CABP5: variants seen among roughly 807,000 people sequenced by gnomAD.
The protein encoded by CABP5 is calcium binding protein 5.
In CABP5, 17 loss-of-function variants were observed where a neutral mutation model predicts 21.9. The ratio of observed to expected loss-of-function variants is 0.78; its 90% CI spans 0.53 to 1.17. The LOEUF is 1.17. Among genes scored for constraint, CABP5 ranks in the 50% most tolerant of loss-of-function variants. CABP5 has a pLI of 0.00. For synonymous variants in CABP5, 85 were observed against 79.4 expected (o/e 1.07, Z -0.37); for missense variants, 229 against 228.9 (o/e 1.00, Z 0.00).
At chr19:48,037,778 G>T (rs1424049690) in intron 4 of CABP5, among the ~76,000 whole-genome samples, 2 of 152,082 alleles carry the variant, frequency 1.3e-5, no homozygotes, top group East Asian at 3.9e-4. Flanking sequence ...TTCTTAGTAG[G>T]TGCTTAGCAT....
chr19:48,031,515 G>C (rs1474849627), intron 5 of CABP5, among the ~76,000 whole-genome samples: 1 of 152,182 alleles, frequency 6.6e-6, no homozygotes, highest in Non-Finnish European at 1.5e-5. Flanking sequence ...AGTGCAGCCT[G>C]GGTGACGGAG....
chr19:48,042,001 C>T (rs1431828796), intron 1 of CABP5, among the ~76,000 whole-genome samples: 12 of 151,562 alleles, frequency 7.9e-5, no homozygotes, highest in Admixed American at 7.2e-4. Flanking sequence ...TCATTTAAAC[C>T]TCAGTACTGC....
Position 48,043,590 on chromosome 19 carries a change from C to T in CABP5, c.63+270G>A, listed in dbSNP as rs1301372877. Among the ~76,000 whole-genome samples, 5 of 145,710 alleles carry T rather than the reference C, an allele frequency of 3.4e-5. No homozygotes were observed. The East Asian group carries it at 8.2e-4, about 24-fold the overall frequency. On this transcript the variant is annotated intron_variant, in intron 1 of 5. Coordinates refer to ENST00000293255, the MANE Select transcript of CABP5 (RefSeq NM_019855.5). ...ATCCATAGAAAAGAATGATGGTAAT[C>T]TCAACAATGACATCATCCCACTTTC...
At position 48,035,457 on chromosome 19, in the gene CABP5, C is replaced by T. The variant is rs960679096; in HGVS notation, c.349-1095G>A. Among the ~76,000 whole-genome samples, 3 of 152,248 alleles carry T rather than the reference C, an allele frequency of 2.0e-5. No individual in the cohort carries two copies. The South Asian group carries it at 6.2e-4, about 32-fold the overall frequency. ...TACTAAAAATACAAAATTAGCCAGG[C>T]GTGGTGGCGCATGCCTGTAGTCCCG... On this transcript the variant is annotated intron_variant, in intron 4 of 5. Transcript: ENST00000293255.
intron 4 of CABP5, among the ~76,000 whole-genome samples, chr19:48,035,052 A>G (rs1967391467): frequency 6.6e-6 from 1 of 152,164 alleles, no homozygotes; most frequent in Non-Finnish European, 1.5e-5. Flanking sequence ...CTGCTGTGCA[A>G]TAGATCTCAA....
At chr19:48,041,464 A>G in intron 2 of CABP5, 109 bp downstream of exon 2, 1 of 1,033,698 alleles carries the variant, frequency 9.7e-7, no homozygotes, top group Non-Finnish European at 1.5e-6. Flanking sequence ...AGAGAGAGGG[A>G]TTGTAAAAAT....
In CABP5 at chr19:48,037,259, C is replaced by CTTTTTTTTTTTTTTTTTTTTTTTTTT. The variant is rs57230665; in HGVS notation, c.348+1923_348+1948dup. Among the ~76,000 whole-genome samples the CTTTTTTTTTTTTTTTTTTTTTTTTTT allele has an allele frequency of 4.4e-5, 2 of 44,958 alleles. 1 individual carries two copies. Among genetic ancestry groups the CTTTTTTTTTTTTTTTTTTTTTTTTTT allele is most frequent in the African/African-American group, 1.5e-4 (2 of 13,766 alleles). The allele number at this position is 44,958 out of a possible 152,430, so 29.5% of individuals were successfully genotyped here. A position where few individuals can be genotyped will look rare whatever the true frequency, so the allele number is the denominator to read the frequency against. On this transcript the variant is annotated intron_variant, in intron 4 of 5. Coordinates refer to ENST00000293255, the MANE Select transcript of CABP5 (RefSeq NM_019855.5). ...AAGTACACAATGGAATACTATTCAGCTTTTTTTTTTTTTTTTTTTTTTTTT... is the reference window on the plus strand; with the variant it reads ...AAGTACACAATGGAATACTATTCAGCTTTTTTTTTTTTTTTTTTTTTTTTTTTTTTTTTTTTTTTTTTTTTTTTTTT...
Position 48,030,591 on chromosome 19 carries a change from A to C in CABP5, c.497-9T>G, listed in dbSNP as rs1394978753. 9.8e-7 allele frequency: 1 copy of C among 1,021,786 alleles called. No individual in the cohort carries two copies. Among genetic ancestry groups the C allele is most frequent in the Non-Finnish European group, 1.3e-6 (1 of 769,918 alleles). 63.3% of individuals were successfully genotyped at this position (1,021,786 alleles called of 1,614,324 possible). ...CATCATCTTCACAAACTCTGCAAAG[A>C]AAAAAAAAAATCCCCAGTAAGGCAT... is the stretch of plus-strand genomic sequence containing the variant. On this transcript the variant is annotated splice_polypyrimidine_tract_variant and intron_variant, in intron 5 of 5. Coordinates refer to ENST00000293255, the MANE Select transcript of CABP5 (RefSeq NM_019855.5).
At chr19:48,039,469 C>T in intron 3 of CABP5, 152 bp from the exon 4 acceptor site, 1 of 645,678 alleles carries the variant, frequency 1.5e-6, no homozygotes, top group Non-Finnish European at 2.8e-6. Context: ...ACTCCAAGCT[C>T]CAAACTCATG....
At chr19:48,037,499 C>T (rs1469236522) in intron 4 of CABP5, among the ~76,000 whole-genome samples, 1 of 151,834 alleles carries the variant, frequency 6.6e-6, no homozygotes, top group Non-Finnish European at 1.5e-5. Context: ...AACTCCCGAC[C>T]TCAGGTGATC....
At chr19:48,043,263 C>A (rs1011200482) in intron 1 of CABP5, among the ~76,000 whole-genome samples, 1 of 149,888 alleles carries the variant, frequency 6.7e-6, no homozygotes, top group Non-Finnish European at 1.5e-5. Flanking sequence ...CCGCCTCTGC[C>A]TCCCAAGATG....
chr19:48,043,420 T>C (rs984031680), intron 1 of CABP5, among the ~76,000 whole-genome samples: 2 of 149,532 alleles, frequency 1.3e-5, no homozygotes, highest in African/African-American at 4.9e-5. Context: ...TGAGTTGTTC[T>C]GAGGTGTAAA....
intron 5 of CABP5, among the ~76,000 whole-genome samples, chr19:48,031,730 C>T (rs1967342499): frequency 6.6e-6 from 1 of 152,024 alleles, no homozygotes; most frequent in Admixed American, 6.6e-5. Flanking sequence ...TTTGCTGTGG[C>T]TCAAGACGAT....
intron 1 of CABP5, among the ~76,000 whole-genome samples, chr19:48,042,399 C>G (rs914338956): frequency 6.6e-6 from 1 of 152,186 alleles, no homozygotes; most frequent in African/African-American, 2.4e-5. Flanking sequence ...CCCACCTACT[C>G]CTGCACATAC....
At chr19:48,031,883 G>C (rs1967344272) in intron 5 of CABP5, among the ~76,000 whole-genome samples, 2 of 149,794 alleles carry the variant, frequency 1.3e-5, no homozygotes, top group African/African-American at 4.9e-5. Context: ...GATCTAGCAG[G>C]TGTCCAACCA....
rs370011911 is a variant in CABP5, at chr19:48,044,058, G to C, written c.-136C>G. 2 of 686,552 alleles carry C rather than the reference G, an allele frequency of 2.9e-6. No homozygotes were observed. Among genetic ancestry groups the C allele is most frequent in the Non-Finnish European group, 2.3e-6 (1 of 431,996 alleles). 42.5% of individuals were successfully genotyped at this position (686,552 alleles called of 1,614,324 possible). On this transcript the variant is annotated 5_prime_UTR_variant, in exon 1 of 6. Transcript: ENST00000293255. ...TCCTGCCTCTCTTGGCTTCTCCTTC[G>C]GTCCCGGTGTCTTAGAGCTGTGACA...
chr19:48,041,744 C>T (rs574578004), intron 1 of CABP5, 141 bp from the exon 2 acceptor site: 343 of 711,332 alleles, frequency 4.8e-4, no homozygotes, highest in Non-Finnish European at 3.1e-4. Context: ...CCTCCCATTC[C>T]TTTTCCCATC....
intron 4 of CABP5, among the ~76,000 whole-genome samples, chr19:48,038,775 C>T (rs906879774): frequency 1.6e-4 from 25 of 151,852 alleles, no homozygotes; most frequent in Admixed American, 4.6e-4. Context: ...TGTAGTGAGC[C>T]GAGATTGCAC....
chr19:48,040,477 C>T, intron 3 of CABP5, 128 bp downstream of exon 3: 1 of 931,108 alleles, frequency 1.1e-6, no homozygotes, highest in East Asian at 2.6e-5. Flanking sequence ...GACCTGTTTT[C>T]TTCCAGACTT....
Sources: gnomAD v4.1 joint callset for allele counts (sites outside exome capture counted in the v4.1 genomes callset) on GRCh38, gnomAD v4.1.1 for gene constraint, MANE v1.5 for transcripts, NCBI Gene and HGNC (gene_info 2026-07-23, HGNC 2026-07-21) for gene names.